The following COX7B2 variants were observed in gnomAD, a reference collection of about 807,000 sequenced individuals.
COX7B2 encodes the protein cytochrome c oxidase subunit 7B2, also known as cytochrome c oxidase subunit 7B2, mitochondrial.
For synonymous variants in COX7B2, 37 were observed against 32.1 expected, an observed-to-expected ratio of 1.15 and a Z score of -0.51; for missense variants, 109 against 95.9, an observed-to-expected ratio of 1.14 and a Z score of -0.57.
At chr4:46,858,348 G>A (rs950864258) in intron 1 of COX7B2, among the ~76,000 whole-genome samples, 8 of 151,980 alleles carry the variant, frequency 5.3e-5, no homozygotes, top group Admixed American at 4.6e-4. Flanking sequence ...CTCCTGCCTC[G>A]GCCTCCCACA....
At chr4:46,798,020 C>T (rs1326437704) in intron 2 of COX7B2, among the ~76,000 whole-genome samples, 4 of 152,198 alleles carry the variant, frequency 2.6e-5, no homozygotes, top group South Asian at 2.1e-4. Flanking sequence ...TCACCTATCC[C>T]TTTCACAAGC....
At chr4:46,766,723 A>AG (rs397965297) in intron 2 of COX7B2, among the ~76,000 whole-genome samples, 4 of 151,166 alleles carry the variant, frequency 2.6e-5, no homozygotes, top group Non-Finnish European at 5.9e-5. Flanking sequence ...AAAAAAAAAA[A>AG]GAGTCAGGGG....
intron 2 of COX7B2, 56 bp downstream of exon 2, chr4:46,844,904 T>C (rs1283333818): frequency 6.6e-6 from 1 of 152,044 alleles, no homozygotes; most frequent in African/African-American, 2.4e-5. Flanking sequence ...CTTTAACTTT[T>C]ACTTTGTGAA....
intron 1 of COX7B2, among the ~76,000 whole-genome samples, chr4:46,855,298 A>C (rs1716943054): frequency 6.6e-6 from 1 of 152,166 alleles, no homozygotes; most frequent in Non-Finnish European, 1.5e-5. Flanking sequence ...TGCACAAGAA[A>C]TTAACAAAAT....
At chr4:46,780,069 T>C (rs1341899201) in intron 2 of COX7B2, among the ~76,000 whole-genome samples, 1 of 152,176 alleles carries the variant, frequency 6.6e-6, no homozygotes, top group African/African-American at 2.4e-5. Context: ...CTTAAACATA[T>C]AATAAAAATA....
rs773481406 is a variant in COX7B2, at chr4:46,744,738, A to ATTT, written c.-49-9500_-49-9498dup. On this transcript the variant is annotated intron_variant, in intron 2 of 2. Transcript: ENST00000355591. ...ACTTTTAGATATCAAAGATATTTTA[A>ATTT]TTTTTTTTTTTTTTTTTTTTGGGAG... Among the ~76,000 whole-genome samples, 780 of 124,640 alleles carry ATTT rather than the reference A, an allele frequency of 6.3e-3. 8 individuals are homozygous for ATTT. Among genetic ancestry groups the ATTT allele is most frequent in the African/African-American group, 0.015 (524 of 34,882 alleles). 81.8% of individuals were successfully genotyped at this position (124,640 alleles called of 152,430 possible). A position where few individuals can be genotyped will look rare whatever the true frequency, so the allele number is the denominator to read the frequency against.
At chr4:46,838,739 G>A (rs915591018) in intron 2 of COX7B2, among the ~76,000 whole-genome samples, 3 of 151,906 alleles carry the variant, frequency 2.0e-5, no homozygotes, top group Non-Finnish European at 2.9e-5. Flanking sequence ...TTGTCTTCTG[G>A]GAAAACTCTG....
chr4:46,821,148 T>C (rs998999635), intron 2 of COX7B2, among the ~76,000 whole-genome samples: 1 of 152,152 alleles, frequency 6.6e-6, no homozygotes, highest in Non-Finnish European at 1.5e-5. Flanking sequence ...AATATGCATT[T>C]TCAATTAATT....
chr4:46,836,353 A>AT (rs74364172), intron 2 of COX7B2, among the ~76,000 whole-genome samples: 24 of 150,618 alleles, frequency 1.6e-4, no homozygotes, highest in East Asian at 1.9e-4. Context: ...TATTTAAAAA[A>AT]TTTTTTTTTT....
intron 2 of COX7B2, among the ~76,000 whole-genome samples, chr4:46,784,594 T>TAGTGC (rs961053305): frequency 6.6e-6 from 1 of 152,246 alleles, no homozygotes; most frequent in Admixed American, 6.5e-5. Flanking sequence ...CATTGCACTC[T>TAGTGC]AGTCTGGGCG....
intron 2 of COX7B2, among the ~76,000 whole-genome samples, chr4:46,805,161 C>T (rs954936835): frequency 6.6e-6 from 1 of 152,208 alleles, no homozygotes; most frequent in Admixed American, 6.5e-5. Flanking sequence ...CAGTTCCCAC[C>T]CATGCCTCTC....
At chr4:46,871,793 C>G (rs999208341) in intron 1 of COX7B2, among the ~76,000 whole-genome samples, 4 of 151,966 alleles carry the variant, frequency 2.6e-5, no homozygotes, top group Non-Finnish European at 5.9e-5. Context: ...CTTCCTTCCA[C>G]CAGTCAAAAT....
At chr4:46,845,397 C>T (rs1716200023) in intron 1 of COX7B2, among the ~76,000 whole-genome samples, 1 of 151,938 alleles carries the variant, frequency 6.6e-6, no homozygotes, top group South Asian at 2.1e-4. Context: ...GACTTCTCAG[C>T]AACTTCCTTC....
At chr4:46,797,715 A>C (rs1485434896) in intron 2 of COX7B2, among the ~76,000 whole-genome samples, 1 of 152,170 alleles carries the variant, frequency 6.6e-6, no homozygotes, top group South Asian at 2.1e-4. Flanking sequence ...ATGGCCTGTA[A>C]AGAAGACAGA....
intron 2 of COX7B2, among the ~76,000 whole-genome samples, chr4:46,833,650 A>G (rs1184497434): frequency 6.6e-6 from 1 of 152,236 alleles, no homozygotes; most frequent in Non-Finnish European, 1.5e-5. Flanking sequence ...AGAAACATTG[A>G]TGGGAATTGA....
At chr4:46,736,190 A>C (rs996186259) in intron 2 of COX7B2, among the ~76,000 whole-genome samples, 1 of 152,116 alleles carries the variant, frequency 6.6e-6, no homozygotes, top group Non-Finnish European at 1.5e-5. Flanking sequence ...CGAAACACCA[A>C]AGGTTTGGTC....
intron 1 of COX7B2, among the ~76,000 whole-genome samples, chr4:46,862,457 G>GTTA (rs1717394637): frequency 6.6e-6 from 1 of 152,214 alleles, no homozygotes; most frequent in Non-Finnish European, 1.5e-5. Flanking sequence ...GTATGTACAT[G>GTTA]TGTTATGTGT....
At chr4:46,853,076 A>G (rs1716791750) in intron 1 of COX7B2, among the ~76,000 whole-genome samples, 1 of 152,198 alleles carries the variant, frequency 6.6e-6, no homozygotes, top group African/African-American at 2.4e-5. Flanking sequence ...AGAAACACAC[A>G]TAAAACAAGG....
intron 2 of COX7B2, among the ~76,000 whole-genome samples, chr4:46,760,004 C>T (rs750056287): frequency 4.6e-5 from 7 of 151,664 alleles, no homozygotes; most frequent in Non-Finnish European, 7.4e-5. Context: ...AAGAATATTA[C>T]CGTAACAGAA....
Sources: gnomAD v4.1 joint callset for allele counts (sites outside exome capture counted in the v4.1 genomes callset) on GRCh38, gnomAD v4.1.1 for gene constraint, MANE v1.5 for transcripts, NCBI Gene and HGNC (gene_info 2026-07-23, HGNC 2026-07-21) for gene names.